ATP9B: variants seen among roughly 807,000 people sequenced by gnomAD.
ATP9B encodes ATPase phospholipid transporting 9B.
A neutral mutation model predicts 146.1 loss-of-function variants in ATP9B; 110 were observed. The observed-to-expected ratio is 0.75, with a 90% confidence interval of 0.65 to 0.88. The LOEUF (loss-of-function observed/expected upper bound fraction) is 0.88, where lower values mean the gene tolerates loss of function less well. Among genes scored for constraint, ATP9B ranks in the 40% least tolerant of loss-of-function variants. The pLI, the probability that ATP9B is intolerant of heterozygous loss-of-function variation, is 0.00. For missense variants in ATP9B, 1,499 were observed against 1,496.4 expected (o/e 1.00, Z -0.03); for synonymous variants, 604 against 569.7 (o/e 1.06, Z -0.86).
At chr18:79,324,169 T>G (rs778128612) in intron 15 of ATP9B, among the ~76,000 whole-genome samples, 21 of 152,196 alleles carry the variant, frequency 1.4e-4, no homozygotes, top group Non-Finnish European at 2.9e-4. Flanking sequence ...TTAAGTCGTT[T>G]GAGAATATAC....
chr18:79,349,716 G>GC (rs969580365), intron 25 of ATP9B, among the ~76,000 whole-genome samples: 7 of 152,044 alleles, frequency 4.6e-5, no homozygotes, highest in Admixed American at 3.9e-4. Context: ...ACTGAGAGGC[G>GC]CCCCCGTCAT....
Position 79,345,844 on chromosome 18 carries a change from G to A in ATP9B, c.2682+5G>A. Reference sequence around the variant, plus strand: ...GGGATTGGGATTGAGGGAAAGGTAGGTTCGCCCTTTTATCAACACATTAGC... The same window carrying A: ...GGGATTGGGATTGAGGGAAAGGTAGATTCGCCCTTTTATCAACACATTAGC... On this transcript the variant is annotated splice_donor_5th_base_variant and intron_variant, in intron 23 of 29. Coordinates refer to ENST00000426216, the MANE Select transcript of ATP9B (RefSeq NM_198531.5). The A allele has an allele frequency of 1.2e-6, 2 of 1,614,184 alleles. No individual in the cohort carries two copies. The highest frequency in any genetic ancestry group is 2.2e-5 in the South Asian group (2 of 91,090).
intron 15 of ATP9B, among the ~76,000 whole-genome samples, chr18:79,319,534 T>C (rs1180527771): frequency 6.6e-6 from 1 of 152,214 alleles, no homozygotes; most frequent in African/African-American, 2.4e-5. Context: ...TAGGGGTCCC[T>C]GCTTCTCTGG....
intron 15 of ATP9B, among the ~76,000 whole-genome samples, chr18:79,310,209 C>G (rs1457497735): frequency 6.6e-6 from 1 of 152,152 alleles, no homozygotes; most frequent in South Asian, 2.1e-4. Context: ...AGGGACAGAC[C>G]GTAGCCGCCA....
chr18:79,352,304 C>T (rs1265481709), intron 25 of ATP9B, among the ~76,000 whole-genome samples: 2 of 152,232 alleles, frequency 1.3e-5, no homozygotes, highest in East Asian at 1.9e-4. Flanking sequence ...CATGACATTC[C>T]GAGAGAGAGC....
At chr18:79,124,172 G>A (rs2094240161) in intron 4 of ATP9B, among the ~76,000 whole-genome samples, 1 of 152,080 alleles carries the variant, frequency 6.6e-6, no homozygotes, top group East Asian at 1.9e-4. Context: ...GACAGAAAGT[G>A]GATGAGTCAT....
At chr18:79,123,253 G>A (rs994342732) in intron 4 of ATP9B, among the ~76,000 whole-genome samples, 1 of 152,070 alleles carries the variant, frequency 6.6e-6, no homozygotes. Context: ...ACATACAAAA[G>A]TCACTTGTAT....
chr18:79,171,497 A>G (rs1253479102), intron 7 of ATP9B, among the ~76,000 whole-genome samples: 1 of 152,166 alleles, frequency 6.6e-6, no homozygotes, highest in Non-Finnish European at 1.5e-5. Flanking sequence ...TTTTATATTG[A>G]CATAATTAAT....
chr18:79,282,870 A>T (rs1026728931), intron 13 of ATP9B, among the ~76,000 whole-genome samples: 5 of 152,170 alleles, frequency 3.3e-5, no homozygotes, highest in Non-Finnish European at 7.3e-5. Context: ...CAAATCCTTT[A>T]ACCCTTCTGA....
chr18:79,150,157 C>T (rs777702482), intron 6 of ATP9B, among the ~76,000 whole-genome samples: 4 of 151,896 alleles, frequency 2.6e-5, no homozygotes, highest in Admixed American at 2.0e-4. Flanking sequence ...AATTAAAACA[C>T]AATGAAATAT....
chr18:79,206,649 T>C (rs1302824719), intron 9 of ATP9B, among the ~76,000 whole-genome samples: 1 of 151,654 alleles, frequency 6.6e-6, no homozygotes, highest in African/African-American at 2.4e-5. Context: ...AATAAATAAA[T>C]AAATAAATAA....
At chr18:79,138,978 G>A (rs916240424) in intron 5 of ATP9B, among the ~76,000 whole-genome samples, 1 of 152,102 alleles carries the variant, frequency 6.6e-6, no homozygotes, top group African/African-American at 2.4e-5. Context: ...TGAGGTGGGG[G>A]GATCACCCGA....
intron 13 of ATP9B, among the ~76,000 whole-genome samples, chr18:79,282,390 G>T (rs535044829): frequency 6.6e-6 from 1 of 152,252 alleles, no homozygotes; most frequent in South Asian, 2.1e-4. Context: ...AGTTTATGTG[G>T]CAGACTTCAT....
chr18:79,166,186 C>G (rs185428280), intron 7 of ATP9B, among the ~76,000 whole-genome samples: 1 of 152,260 alleles, frequency 6.6e-6, no homozygotes, highest in Admixed American at 6.5e-5. Context: ...CTGAGGATGT[C>G]GTTGAGAACA....
Position 79,193,279 on chromosome 18 carries a change from T to G in ATP9B, c.954+16T>G, listed in dbSNP as rs1171273517. 4 of 1,564,582 alleles carry G rather than the reference T, an allele frequency of 2.6e-6. No homozygotes were observed. The African/African-American group carries it at 5.4e-5, about 21-fold the overall frequency. On this transcript the variant is annotated intron_variant, in intron 9 of 29. Coordinates refer to ENST00000426216, the MANE Select transcript of ATP9B (RefSeq NM_198531.5). ...ATTTACCAGGGTAAGTTAAACCTGT[T>G]GTTCAATACAAATAGAGTTATTGTG...
intron 8 of ATP9B, 99 bp downstream of exon 8, chr18:79,177,006 T>C: frequency 1.0e-6 from 1 of 982,454 alleles, no homozygotes; most frequent in Non-Finnish European, 1.5e-6. Context: ...TTTAATGCAT[T>C]GAGAATTTGT....
At chr18:79,180,187 T>A (rs1442754353) in intron 8 of ATP9B, among the ~76,000 whole-genome samples, 1 of 152,248 alleles carries the variant, frequency 6.6e-6, no homozygotes. Flanking sequence ...AAGTAGGTAC[T>A]GCTTTTTTTA....
chr18:79,218,517 T>C (rs1242834724), intron 11 of ATP9B, among the ~76,000 whole-genome samples: 2 of 144,528 alleles, frequency 1.4e-5, no homozygotes, highest in African/African-American at 2.6e-5. Context: ...GCAGCTCCTG[T>C]TTCTTGTCGT....
chr18:79,219,966 A>G (rs1009294848), intron 11 of ATP9B, among the ~76,000 whole-genome samples: 7 of 152,116 alleles, frequency 4.6e-5, no homozygotes, highest in African/African-American at 1.4e-4. Flanking sequence ...TGTTGTTGGG[A>G]ATCTTAAATT....
Sources: gnomAD v4.1 joint callset for allele counts (sites outside exome capture counted in the v4.1 genomes callset) on GRCh38, gnomAD v4.1.1 for gene constraint, MANE v1.5 for transcripts, NCBI Gene and HGNC (gene_info 2026-07-23, HGNC 2026-07-21) for gene names.